ABCA13: variants seen among roughly 807,000 people sequenced by gnomAD.
ABCA13 encodes the protein ATP binding cassette subfamily A member 13.
Under a neutral mutation model 478.7 loss-of-function variants are expected in ABCA13, and 476 were observed. That is an observed-to-expected ratio of 0.99 (90% CI 0.92 to 1.07). The LOEUF is 1.07. ABCA13 is among the 50% of genes least tolerant of loss of function. ABCA13 has a pLI of 0.00. For missense variants in ABCA13, 6,060 were observed against 5,910.6 expected (o/e 1.03, Z -0.83); for synonymous variants, 2,252 against 2,158.9 (o/e 1.04, Z -1.20).
At chr7:48,449,292 C>T (rs184365250) in intron 42 of ABCA13, among the ~76,000 whole-genome samples, 2 of 152,066 alleles carry the variant, frequency 1.3e-5, no homozygotes, top group East Asian at 3.9e-4. Context: ...TCTCTCCTTC[C>T]TTCCTTCCTT....
chr7:48,331,016 C>G (rs1365801193), intron 27 of ABCA13, among the ~76,000 whole-genome samples: 1 of 152,090 alleles, frequency 6.6e-6, no homozygotes, highest in Non-Finnish European at 1.5e-5. Flanking sequence ...TTCCTCTGCC[C>G]CATTCCCCTT....
chr7:48,431,607 GATT>G (rs1227445710), intron 42 of ABCA13, among the ~76,000 whole-genome samples: 2 of 152,110 alleles, frequency 1.3e-5, no homozygotes, highest in African/African-American at 2.4e-5. Flanking sequence ...TGATATTTCT[GATT>G]ATTATTGTAG....
chr7:48,201,359 G>A (rs1289620417), intron 3 of ABCA13, among the ~76,000 whole-genome samples: 1 of 152,190 alleles, frequency 6.6e-6, no homozygotes, highest in African/African-American at 2.4e-5. Flanking sequence ...GTGGAATGCT[G>A]CGGAGCTGTT....
chr7:48,563,093 A>G (rs1397489618), intron 55 of ABCA13, among the ~76,000 whole-genome samples: 2 of 152,182 alleles, frequency 1.3e-5, no homozygotes, highest in Non-Finnish European at 2.9e-5. Context: ...TATGCAATGC[A>G]TGGCCATGGT....
At chr7:48,260,085 T>C (rs767298171) in intron 15 of ABCA13, among the ~76,000 whole-genome samples, 6 of 152,102 alleles carry the variant, frequency 3.9e-5, no homozygotes, top group Non-Finnish European at 5.9e-5. Flanking sequence ...ATGATCTTTG[T>C]TCTTATCTGT....
At chr7:48,438,497 A>G (rs1011970230) in intron 42 of ABCA13, among the ~76,000 whole-genome samples, 10 of 151,346 alleles carry the variant, frequency 6.6e-5, no homozygotes, top group Admixed American at 6.6e-4. Flanking sequence ...TAGGGGGCCA[A>G]TTTTCTGACT....
intron 42 of ABCA13, among the ~76,000 whole-genome samples, chr7:48,432,190 A>G (rs1822238863): frequency 6.6e-6 from 1 of 152,236 alleles, no homozygotes; most frequent in South Asian, 2.1e-4. Flanking sequence ...TCAAAGGAAG[A>G]CATGCAAATG....
intron 55 of ABCA13, among the ~76,000 whole-genome samples, chr7:48,535,791 A>C (rs1325207203): frequency 1.3e-5 from 2 of 152,106 alleles, no homozygotes; most frequent in Middle Eastern, 3.4e-3. Context: ...GAAGTGGGGT[A>C]AGTCGGCAGT....
At chr7:48,206,685 T>C (rs924243297) in intron 3 of ABCA13, among the ~76,000 whole-genome samples, 1 of 152,142 alleles carries the variant, frequency 6.6e-6, no homozygotes, top group Non-Finnish European at 1.5e-5. Context: ...GTTTTATATA[T>C]CTCTGAGGTA....
At chr7:48,641,853 G>A (rs1259876214) in intron 59 of ABCA13, among the ~76,000 whole-genome samples, 1 of 152,116 alleles carries the variant, frequency 6.6e-6, no homozygotes, top group Non-Finnish European at 1.5e-5. Flanking sequence ...CACTTTGGGG[G>A]ATTTGGTGAA....
intron 47 of ABCA13, among the ~76,000 whole-genome samples, chr7:48,486,717 G>A (rs1207417854): frequency 1.3e-5 from 2 of 152,298 alleles, no homozygotes; most frequent in South Asian, 2.1e-4. Context: ...TCACGGGTCT[G>A]TGAGGTTTTG....
At chr7:48,571,454 TTTC>T (rs1353930015) in intron 55 of ABCA13, among the ~76,000 whole-genome samples, 3 of 152,144 alleles carry the variant, frequency 2.0e-5, no homozygotes, top group African/African-American at 4.8e-5. Flanking sequence ...TTCTTCTTTA[TTTC>T]TTCTTTACTG....
chr7:48,184,093 T>C (rs1472317288), intron 1 of ABCA13, among the ~76,000 whole-genome samples: 3 of 152,222 alleles, frequency 2.0e-5, no homozygotes, highest in Non-Finnish European at 2.9e-5. Flanking sequence ...TTTATGCATA[T>C]GGTCACTGAC....
At chr7:48,189,878 C>T (rs1188792652) in intron 1 of ABCA13, among the ~76,000 whole-genome samples, 1 of 152,040 alleles carries the variant, frequency 6.6e-6, no homozygotes, top group Non-Finnish European at 1.5e-5. Flanking sequence ...AGGCTGAATT[C>T]TTTAATTAAA....
chr7:48,282,687 A>C (rs1306097862), intron 19 of ABCA13, among the ~76,000 whole-genome samples: 2 of 152,060 alleles, frequency 1.3e-5, no homozygotes, highest in Admixed American at 6.5e-5. Flanking sequence ...TTCGATTACT[A>C]TCAGGTTGTT....
intron 39 of ABCA13, among the ~76,000 whole-genome samples, chr7:48,409,769 C>T (rs975340669): frequency 1.3e-5 from 2 of 152,004 alleles, no homozygotes; most frequent in Non-Finnish European, 2.9e-5. Context: ...ACATACATCT[C>T]CCTTGTCATC....
At chr7:48,352,066 T>G in intron 30 of ABCA13, 115 bp from the exon 31 acceptor site, 2 of 1,007,374 alleles carry the variant, frequency 2.0e-6, no homozygotes, top group South Asian at 1.9e-5. Flanking sequence ...TCTGCAGGAG[T>G]GGAGGGCTGT....
rs775322210 is a variant in ABCA13, at chr7:48,427,872, G to C, written c.12565+1G>C. On this transcript the variant is annotated splice_donor_variant, in intron 42 of 61. Coordinates refer to ENST00000435803, the MANE Select transcript of ABCA13 (RefSeq NM_152701.5). LOFTEE classifies it high-confidence loss of function. Reference sequence around the variant, plus strand: ...CCTACAGGACATCTGTCTGGCTACTGTAAGTACAGAATGGCTTCCTGCATT... The same window carrying C: ...CCTACAGGACATCTGTCTGGCTACTCTAAGTACAGAATGGCTTCCTGCATT... 1.2e-5 allele frequency: 19 copies of C among 1,585,408 alleles called. No homozygotes were observed. The highest frequency in any genetic ancestry group is 2.7e-5 in the African/African-American group (2 of 73,366).
At position 48,317,259 on chromosome 7, in the gene ABCA13, C is replaced by T. The variant is rs746514231; in HGVS notation, c.9962C>T (p.Thr3321Ile). The T allele has an allele frequency of 9.0e-5, 145 of 1,613,530 alleles. No homozygotes were observed. The Middle Eastern group carries it at 9.9e-4, about 11-fold the overall frequency. Residue 3321 changes from threonine (T) to isoleucine (I), a missense_variant, in exon 27 of 62, where the codon ACA (threonine) becomes ATA (isoleucine). Thr to Ile is a moderately conservative substitution (Grantham distance 89). This residue lies in a region of ABCA13 where 4,423 missense variants were observed against 4,309.1 expected (regional missense o/e 1.03). Coordinates refer to ENST00000435803, the MANE Select transcript of ABCA13 (RefSeq NM_152701.5). ...KPILHGKILY[T>I]PNTPEINKVI... Reference sequence around the variant, plus strand: ...ATATTGCATGGAAAAATACTATACACACCAAACACTCCAGAAATTAACAAG... The same window carrying T: ...ATATTGCATGGAAAAATACTATACATACCAAACACTCCAGAAATTAACAAG...
Sources: allele counts gnomAD v4.1 joint callset (sites outside exome capture counted in the v4.1 genomes callset), GRCh38; gene constraint gnomAD v4.1.1; regional missense constraint gnomAD v4.1.1; transcripts MANE v1.5; gene names NCBI Gene and HGNC (gene_info 2026-07-23, HGNC 2026-07-21).